ZGPAT: variants seen among roughly 807,000 people sequenced by gnomAD.
The protein encoded by ZGPAT is zinc finger CCCH-type and G-patch domain containing.
ZGPAT carries 39 observed loss-of-function variants against 47.9 expected under a neutral mutation model. The observed-to-expected ratio is 0.81, with a 90% CI of 0.63 to 1.06. The LOEUF is 1.06. Among genes scored for constraint, ZGPAT ranks in the 50% least tolerant of loss-of-function variants. The pLI, the probability that ZGPAT is intolerant of heterozygous loss-of-function variation, is 0.00. For missense variants in ZGPAT, 717 were observed against 681.4 expected (o/e 1.05, Z -0.58); for synonymous variants, 348 against 292.9 (o/e 1.19, Z -1.92).
chr20:63,717,514 T>G (rs1375248702), intron 2 of ZGPAT, among the ~76,000 whole-genome samples: 2 of 152,098 alleles, frequency 1.3e-5, no homozygotes, highest in African/African-American at 4.8e-5. Flanking sequence ...AATGTAAGCA[T>G]TTACAGCTAC....
Position 63,708,336 on chromosome 20 carries a change from A to G in ZGPAT, c.-28-217A>G, listed in dbSNP as rs907169547. ...GCGCCCCGCGGGGAAGGGGCTCCGG[A>G]GTGACGCGGGACCCGGCTAGCGGCG... On this transcript the variant is annotated intron_variant, in intron 1 of 6. Transcript: ENST00000355969. 129 of 310,532 alleles carry G rather than the reference A, an allele frequency of 4.2e-4. 1 individual carries two copies. In the Admixed American group the frequency reaches 5.8e-3, roughly 14 times the overall value. The allele number at this position is 310,532 out of a possible 1,614,324, so 19.2% of individuals were successfully genotyped here.
upstream of ZGPAT, chr20:63,707,684 G>A (rs1187543004): frequency 2.0e-5 from 3 of 152,328 alleles, no homozygotes; most frequent in Admixed American, 6.5e-5. Context: ...GCGGCTGGCA[G>A]GGAACGACTG....
chr20:63,733,979 T>C (rs1601350291), intron 4 of ZGPAT: 2 of 559,154 alleles, frequency 3.6e-6, no homozygotes, highest in Non-Finnish European at 6.2e-6. Flanking sequence ...GTCGTGGCTG[T>C]GGCCATGGGA....
At chr20:63,713,416 G>C (rs1225153376) in intron 2 of ZGPAT, among the ~76,000 whole-genome samples, 1 of 151,870 alleles carries the variant, frequency 6.6e-6, no homozygotes, top group African/African-American at 2.4e-5. Context: ...ATTTTTAGTA[G>C]AGATGGGGTT....
intron 2 of ZGPAT, among the ~76,000 whole-genome samples, chr20:63,715,334 G>A (rs1226432804): frequency 1.3e-5 from 2 of 151,378 alleles, no homozygotes; most frequent in African/African-American, 4.9e-5. Flanking sequence ...CCATCTCCCG[G>A]GTTCAAGCAA....
intron 2 of ZGPAT, among the ~76,000 whole-genome samples, chr20:63,726,679 C>G (rs1415195442): frequency 6.6e-6 from 1 of 151,712 alleles, no homozygotes; most frequent in Non-Finnish European, 1.5e-5. Context: ...CCCTCCACCA[C>G]ACCTGGCTAA....
chr20:63,730,922 T>TTCTCTCTCTC lies in ZGPAT; in HGVS notation c.585-2257_585-2248dup, dbSNP rs33915732. Among the ~76,000 whole-genome samples, 573 of 124,566 alleles carry TTCTCTCTCTC rather than the reference T, an allele frequency of 4.6e-3. 8 individuals are homozygous for TTCTCTCTCTC. The highest frequency in any genetic ancestry group is 0.02 in the East Asian group (68 of 3,386). 81.7% of individuals were successfully genotyped at this position (124,566 alleles called of 152,430 possible). A position where few individuals can be genotyped will look rare whatever the true frequency, so the allele number is the denominator to read the frequency against. On this transcript the variant is annotated intron_variant, in intron 2 of 6. Transcript: ENST00000355969. ...TGTCTGTCCCCACATTTCCTCTTCATTCTCTCTCTCTCTCTCTCTCTCTCT... is the reference window on the plus strand; with the variant it reads ...TGTCTGTCCCCACATTTCCTCTTCATTCTCTCTCTCTCTCTCTCTCTCTCTCTCTCTCTCT...
In ZGPAT at chr20:63,735,907, G is replaced by A. The variant is rs759940469; in HGVS notation, c.1524G>A (p.Met508Ile). The A allele has an allele frequency of 1.9e-6, 3 of 1,612,352 alleles. No individual in the cohort carries two copies. The highest frequency in any genetic ancestry group is 2.7e-5 in the African/African-American group (2 of 74,942). The change falls in exon 7 of 7, where the codon ATG becomes ATA. Residue 508 changes from methionine (M) to isoleucine (I), a missense_variant. By Grantham distance (10) the Met-to-Ile change is conservative. Coordinates refer to ENST00000355969, the MANE Select transcript of ZGPAT (RefSeq NM_181485.3). ...EQRKADTHKK[M>I]TEF is the part of the protein sequence containing the mutation. The stretch of plus-strand genomic sequence containing the variant: ...GGAAGGCAGACACCCACAAGAAGAT[G>A]ACTGAGTTCTAGAGACCCCACAAGC...
intron 2 of ZGPAT, 130 bp from the exon 3 acceptor site, chr20:63,733,085 AGTGT>A (rs761506488): frequency 9.6e-5 from 108 of 1,129,086 alleles, no homozygotes; most frequent in Admixed American, 1.8e-4. Flanking sequence ...AGTGTGTGAG[AGTGT>A]GTATGTATAC....
At chr20:63,732,847 T>C (rs1054153548) in intron 2 of ZGPAT, among the ~76,000 whole-genome samples, 2 of 150,978 alleles carry the variant, frequency 1.3e-5, no homozygotes, top group Non-Finnish European at 3.0e-5. Context: ...TGAGTGCATG[T>C]GTGTGTACAT....
intron 2 of ZGPAT, among the ~76,000 whole-genome samples, chr20:63,725,855 G>A (rs1043984338): frequency 1.0e-4 from 15 of 149,628 alleles, no homozygotes; most frequent in African/African-American, 2.7e-4. Flanking sequence ...TTTTTGAGAC[G>A]GAGTTTTGCT....
At chr20:63,715,930 G>T (rs2091724091) in intron 2 of ZGPAT, among the ~76,000 whole-genome samples, 1 of 151,978 alleles carries the variant, frequency 6.6e-6, no homozygotes, top group African/African-American at 2.4e-5. Flanking sequence ...TTTTCTTTTT[G>T]GAAGCTAAAA....
At chr20:63,734,979 C>T (rs970713797) in intron 5 of ZGPAT, 155 bp downstream of exon 5, 59 of 1,311,510 alleles carry the variant, frequency 4.5e-5, no homozygotes, top group African/African-American at 2.4e-4. Flanking sequence ...CCCGGGGTCC[C>T]GCGGCCACAG....
intron 2 of ZGPAT, among the ~76,000 whole-genome samples, chr20:63,718,520 C>G (rs574727926): frequency 6.6e-6 from 1 of 151,846 alleles, no homozygotes; most frequent in Non-Finnish European, 1.5e-5. Flanking sequence ...TTAGTCTTAA[C>G]GTGCTGGTCA....
chr20:63,727,486 C>T (rs992954628), intron 2 of ZGPAT, among the ~76,000 whole-genome samples: 1 of 151,884 alleles, frequency 6.6e-6, no homozygotes, highest in African/African-American at 2.4e-5. Context: ...AGGTGAGGCA[C>T]ATGGTGAAAC....
chr20:63,714,683 C>T (rs1164527340), intron 2 of ZGPAT, among the ~76,000 whole-genome samples: 1 of 151,792 alleles, frequency 6.6e-6, no homozygotes, highest in Non-Finnish European at 1.5e-5. Context: ...TGTTCTGTCA[C>T]CCAGGCTGGA....
In ZGPAT at chr20:63,709,144, C is replaced by T. The variant is rs1280861976; in HGVS notation, c.564C>T (p.Cys188=). The T allele has an allele frequency of 6.2e-7, 1 of 1,611,316 alleles. No homozygotes were observed. The highest frequency in any genetic ancestry group is 1.1e-5 in the South Asian group (1 of 91,086). The change falls in exon 2 of 7, where the codon TGC becomes TGT. Residue 188 remains cysteine, a synonymous_variant. Coordinates refer to ENST00000355969, the MANE Select transcript of ZGPAT (RefSeq NM_181485.3). ...KPCPFFLEGK[C]RFKENCRFSH... ...GCCCGTTCTTCCTGGAGGGAAAGTG[C>T]CGCTTTAAGGAGAACTGCAGGTAAA...
intron 2 of ZGPAT, among the ~76,000 whole-genome samples, chr20:63,721,718 C>T (rs2091789542): frequency 6.6e-6 from 1 of 152,090 alleles, no homozygotes; most frequent in South Asian, 2.1e-4. Flanking sequence ...GTAGTATCTA[C>T]CTGTAAATGC....
intron 2 of ZGPAT, among the ~76,000 whole-genome samples, chr20:63,715,843 G>T (rs528899310): frequency 0.068 from 10,280 of 151,464 alleles, 597 homozygotes; most frequent in East Asian, 0.15. Context: ...TAGAGAGAGA[G>T]AGAGAGAGAG....
Sources: gnomAD v4.1 joint callset for allele counts (sites outside exome capture counted in the v4.1 genomes callset) on GRCh38, gnomAD v4.1.1 for gene constraint, MANE v1.5 for transcripts, NCBI Gene and HGNC (gene_info 2026-07-23, HGNC 2026-07-21) for gene names.